CCDC88A: variants seen among roughly 807,000 people sequenced by gnomAD.
CCDC88A encodes coiled-coil and HOOK domain protein 88A.
CCDC88A carries 54 observed loss-of-function variants against 234.3 expected under a neutral mutation model. That is an observed-to-expected ratio of 0.23 (90% CI 0.19 to 0.29). The LOEUF is 0.29. Ranked by LOEUF, CCDC88A falls within the 10% of genes least tolerant of loss-of-function variation. The pLI, the probability that CCDC88A is intolerant of heterozygous loss-of-function variation, is 1.00. For synonymous variants in CCDC88A, 753 were observed against 737.8 expected (o/e 1.02, Z -0.33); for missense variants, 1,832 against 2,123.4 (o/e 0.86, Z 2.70).
At chr2:55,397,766 T>C (rs1010564376) in intron 2 of CCDC88A, among the ~76,000 whole-genome samples, 1 of 152,162 alleles carries the variant, frequency 6.6e-6, no homozygotes, top group Non-Finnish European at 1.5e-5. Flanking sequence ...TGTATTCAGT[T>C]GTCAGGAAAT....
rs892259395 is a variant in CCDC88A at position 55,419,435 on chromosome 2, C to T, written c.-356G>A. 3.9e-6 allele frequency: 1 copy of T among 256,816 alleles called. No homozygotes were observed. The highest frequency in any genetic ancestry group is 5.1e-5 in the Admixed American group (1 of 19,638). The allele number at this position is 256,816 out of a possible 1,614,324, so 15.9% of individuals were successfully genotyped here. ...TTGTCCAGCTCCTGGAGGATCCAGA[C>T]CAGCGAAACTGCTCCCAATGAATCA... On this transcript the variant is annotated 5_prime_UTR_variant, in exon 1 of 33. Coordinates refer to ENST00000436346, the MANE Select transcript of CCDC88A (RefSeq NM_001365480.1).
chr2:55,390,171 G>A (rs1324940629), intron 2 of CCDC88A, among the ~76,000 whole-genome samples: 4 of 150,246 alleles, frequency 2.7e-5, no homozygotes, highest in Admixed American at 2.0e-4. Flanking sequence ...GAGTGGTATC[G>A]TTTTACTATT....
At chr2:55,325,331 A>G (rs890693053) in intron 17 of CCDC88A, among the ~76,000 whole-genome samples, 8 of 152,156 alleles carry the variant, frequency 5.3e-5, no homozygotes, top group African/African-American at 9.6e-5. Context: ...TCATTTTTCA[A>G]TCTTTCATTG....
chr2:55,393,194 T>G (rs1676930669), intron 2 of CCDC88A, among the ~76,000 whole-genome samples: 1 of 151,854 alleles, frequency 6.6e-6, no homozygotes, highest in Admixed American at 6.6e-5. Context: ...TAAGAAAGTT[T>G]TTGTTGCTTT....
chr2:55,380,743 G>C (rs775392937), intron 3 of CCDC88A, among the ~76,000 whole-genome samples: 1 of 152,094 alleles, frequency 6.6e-6, no homozygotes, highest in Non-Finnish European at 1.5e-5. Context: ...ACCCTCCCAA[G>C]TAGCTGAAAC....
At position 55,317,700 on chromosome 2, in the gene CCDC88A, G is replaced by C. The variant is rs768092487; in HGVS notation, c.3466C>G (p.Leu1156Val). ...TCCAGCTTTTCATGATCTTTGATCAGAGAATCATAGAGAGATTTTAGGTCT... is the reference window on the plus strand; with the variant it reads ...TCCAGCTTTTCATGATCTTTGATCACAGAATCATAGAGAGATTTTAGGTCT... ...REDLKSLYDSLIKDHEKLELL... is the reference protein window; with the variant it reads ...REDLKSLYDSVIKDHEKLELL... The change falls in exon 20 of 33, where the codon CTG becomes GTG. Residue 1156 changes from leucine (L) to valine (V), a missense_variant. Physicochemically the swap from Leu to Val is conservative, Grantham distance 32. Coordinates refer to ENST00000436346, the MANE Select transcript of CCDC88A (RefSeq NM_001365480.1). This position sits in a 1 kb window ranked among gnomAD's most constrained non-coding sequence, Gnocchi z 4.2. 6.2e-7 allele frequency: 1 copy of C among 1,613,448 alleles called. No homozygotes were observed. Among genetic ancestry groups the C allele is most frequent in the Non-Finnish European group, 8.5e-7 (1 of 1,179,574 alleles).
chr2:55,347,877 G>A (rs572183653), intron 9 of CCDC88A, among the ~76,000 whole-genome samples: 1 of 151,986 alleles, frequency 6.6e-6, no homozygotes, highest in East Asian at 1.9e-4. Context: ...CTTTCAAAGT[G>A]CTGGGATTAC....
Position 55,317,606 on chromosome 2 carries a change from G to A in CCDC88A, c.3560C>T (p.Ala1187Val), listed in dbSNP as rs1348307164. Residue 1187 changes from alanine (A) to valine (V), a missense_variant, in exon 20 of 33, where the codon GCC becomes GTC. Coordinates refer to ENST00000436346, the MANE Select transcript of CCDC88A (RefSeq NM_001365480.1). This position sits in a 1 kb window ranked among gnomAD's most constrained non-coding sequence, Gnocchi z 4.2. ...ATGTTCCACCTCAAGATTTTTGTGG[G>A]CAGACTTCAGAGTTCCATGTTTAGA... ...LISKHGTLKS[A>V]HKNLEVEHRD... 2 of 1,588,594 alleles carry A rather than the reference G, an allele frequency of 1.3e-6. No individual in the cohort carries two copies. Among genetic ancestry groups the A allele is most frequent in the African/African-American group, 1.3e-5 (1 of 74,486 alleles).
chr2:55,401,517 T>C (rs1420805661), intron 2 of CCDC88A, among the ~76,000 whole-genome samples: 1,694 of 31,180 alleles, frequency 0.054, 115 homozygotes, highest in Non-Finnish European at 0.076. Flanking sequence ...TATATATATA[T>C]ATATATATAT....
Position 55,289,430 on chromosome 2 carries a change from A to G in CCDC88A, c.*1770T>C, listed in dbSNP as rs141103539. On this transcript the variant is annotated 3_prime_UTR_variant, in exon 33 of 33. Coordinates refer to ENST00000436346, the MANE Select transcript of CCDC88A (RefSeq NM_001365480.1). ...CTCTGATACCTATTACCAATGTGCT[A>G]CTTGAATCCAGGGAGTTATGAGAGA... 6.6e-6 allele frequency: 1 copy of G among 152,656 alleles called. No individual in the cohort carries two copies. Among genetic ancestry groups the G allele is most frequent in the Non-Finnish European group, 1.5e-5 (1 of 68,020 alleles). 9.5% of individuals were successfully genotyped at this position (152,656 alleles called of 1,614,324 possible). A position where few individuals can be genotyped will look rare whatever the true frequency, so the allele number is the denominator to read the frequency against.
In CCDC88A at chr2:55,391,646, C is replaced by T. The variant is rs139955839; in HGVS notation, c.165-2760G>A. On this transcript the variant is annotated intron_variant, in intron 2 of 32. Transcript: ENST00000436346. ...TGAAATGAAAAATTCACCGCAGGAG[C>T]TTAACAATGGATTAGAAACTGTATA... Among the ~76,000 whole-genome samples the T allele has an allele frequency of 1.6e-3, 249 of 152,234 alleles. 3 individuals are homozygous for T. The highest frequency in any genetic ancestry group is 0.015 in the Admixed American group (227 of 15,282).
At chr2:55,384,408 T>A (rs1383315263) in intron 3 of CCDC88A, among the ~76,000 whole-genome samples, 1 of 149,578 alleles carries the variant, frequency 6.7e-6, no homozygotes, top group Non-Finnish European at 1.5e-5. Context: ...GTCTATATTA[T>A]CTATTTTTTT....
In CCDC88A at chr2:55,301,913, G is replaced by T. The variant is rs756477275; in HGVS notation, c.4631C>A (p.Ser1544Tyr). The change falls in exon 27 of 33, where the codon TCT (serine) becomes TAT (tyrosine). Residue 1544 changes from serine to tyrosine, a missense_variant. Around this residue, in one of 6 missense-constraint regions of CCDC88A, gnomAD observed 422 missense variants for 416.5 expected, o/e 1.01. Transcript: ENST00000436346. ...TTAINFSTVNSSAGFRSKQLV... is the reference protein window; with the variant it reads ...TTAINFSTVNYSAGFRSKQLV... ...CTGCTTGGATCTGAAGCCTGCAGAAGAGTTGACAGTTGAAAAGTTGATGGC... is the reference window on the plus strand; with the variant it reads ...CTGCTTGGATCTGAAGCCTGCAGAATAGTTGACAGTTGAAAAGTTGATGGC... 4 of 1,614,166 alleles carry T rather than the reference G, an allele frequency of 2.5e-6. No individual in the cohort carries two copies. In the East Asian group the frequency reaches 8.9e-5, roughly 36 times the overall value.
intron 3 of CCDC88A, among the ~76,000 whole-genome samples, chr2:55,388,234 C>G (rs1019827990): frequency 3.9e-5 from 6 of 152,064 alleles, no homozygotes; most frequent in African/African-American, 1.4e-4. Context: ...TTGAAAAATA[C>G]CATGTTCAAA....
In CCDC88A at chr2:55,388,907, C is replaced by A. The variant is rs189153759; in HGVS notation, c.165-21G>T. On this transcript the variant is annotated intron_variant, in intron 2 of 32. Transcript: ENST00000436346. ...GATTACTGTAAGAAATACAAAAATACTTTAAAATTACATAAAATACTACTA... is the reference window on the plus strand; with the variant it reads ...GATTACTGTAAGAAATACAAAAATAATTTAAAATTACATAAAATACTACTA... 7.7e-4 allele frequency: 663 copies of A among 864,948 alleles called. No homozygotes were observed. In the African/African-American group the frequency reaches 0.011, roughly 14 times the overall value. The allele number at this position is 864,948 out of a possible 1,614,324, so 53.6% of individuals were successfully genotyped here.
intron 23 of CCDC88A, among the ~76,000 whole-genome samples, chr2:55,311,454 T>C (rs1224717900): frequency 1.3e-5 from 2 of 152,202 alleles, no homozygotes; most frequent in South Asian, 4.1e-4. Flanking sequence ...GCCCTGGCTG[T>C]TTATGTACAT....
At chr2:55,291,860 T>G in intron 31 of CCDC88A, 85 bp from the exon 32 acceptor site, 1 of 992,260 alleles carries the variant, frequency 1.0e-6, no homozygotes, top group African/African-American at 1.6e-5. Flanking sequence ...TCTCACTGAG[T>G]AGGGCAAGGA....
rs770508534 is a variant in CCDC88A, at chr2:55,295,838, C to T, written c.5310G>A (p.Ala1770=). Residue 1770 remains alanine (A), a synonymous_variant, in exon 31 of 33, where the codon GCG becomes GCA. Transcript: ENST00000436346. ...KTEDTYFISS[A]GKPTPGTQGK... ...CTTGAGTGCCTGGTGTAGGTTTTCC[C>T]GCAGAACTAATGAAGTAGGTATCTT... 75 of 1,613,776 alleles carry T rather than the reference C, an allele frequency of 4.6e-5. No homozygotes were observed. The African/African-American group carries it at 7.2e-4, about 16-fold the overall frequency.
intron 2 of CCDC88A, among the ~76,000 whole-genome samples, chr2:55,411,887 A>T (rs6746104): frequency 0.31 from 46,789 of 151,796 alleles, 7,698 homozygotes; most frequent in East Asian, 0.58. Flanking sequence ...ATGGACCATG[A>T]AATCTTGCTC....
Sources: gnomAD v4.1 joint callset for allele counts (sites outside exome capture counted in the v4.1 genomes callset) on GRCh38, gnomAD v4.1.1 for gene constraint, gnomAD v4.1.1 regional missense constraint, Gnocchi (gnomAD v3.1) non-coding constraint, MANE v1.5 for transcripts, NCBI Gene and HGNC (gene_info 2026-07-23, HGNC 2026-07-21) for gene names.